Variants in CPAMD8 observed in about 807,000 individuals in gnomAD.
CPAMD8 encodes the protein C3 and PZP like alpha-2-macroglobulin domain containing 8.
Under a neutral mutation model 224.7 loss-of-function variants are expected in CPAMD8, and 146 were observed. The observed-to-expected ratio is 0.65, with a 90% CI of 0.57 to 0.75. The LOEUF (loss-of-function observed/expected upper bound fraction) is 0.75. CPAMD8 is among the 30% of genes least tolerant of loss of function. The probability of loss-of-function intolerance (pLI) is 0.00; values close to 1 mark genes in which losing one functional copy is unlikely to be tolerated. For synonymous variants in CPAMD8, 966 were observed against 1,044.6 expected (o/e 0.92, Z 1.45); for missense variants, 2,301 against 2,537.5 (o/e 0.91, Z 2.00).
At chr19:16,953,652 CAAAAA>C (rs60937762) in intron 19 of CPAMD8, among the ~76,000 whole-genome samples, 11 of 94,378 alleles carry the variant, frequency 1.2e-4, no homozygotes, top group African/African-American at 3.3e-4. Context: ...GACCTTGTCT[CAAAAA>C]AAAAAAAAAA....
intron 2 of CPAMD8, among the ~76,000 whole-genome samples, chr19:17,021,687 C>A (rs1018263130): frequency 6.6e-6 from 1 of 152,210 alleles, no homozygotes; most frequent in Admixed American, 6.5e-5. Context: ...GGAAACCCAA[C>A]AAAAGGTCAG....
Position 16,914,715 on chromosome 19 carries a change from T to C in CPAMD8, c.3728A>G (p.Gln1243Arg). 6.2e-7 allele frequency: 1 copy of C among 1,614,132 alleles called. No homozygotes were observed. The highest frequency in any genetic ancestry group is 1.3e-5 in the African/African-American group (1 of 75,064). The change falls in exon 28 of 42, where the codon CAG becomes CGG. Residue 1243 changes from glutamine to arginine, a missense_variant. This residue lies in a region of CPAMD8 where 1,709 missense variants were observed against 1,753.2 expected (regional missense o/e 0.97). Coordinates refer to ENST00000443236, the MANE Select transcript of CPAMD8 (RefSeq NM_015692.5). ...LAAAKSWIIQ[Q>R]QQADGSFLAV... ...CAGGAAGGAGCCATCGGCCTGCTGC[T>C]GCTGGATGATCCAGCTCTTGGCGGC...
At chr19:16,974,401 T>G (rs1230329597) in intron 17 of CPAMD8, among the ~76,000 whole-genome samples, 1 of 151,782 alleles carries the variant, frequency 6.6e-6, no homozygotes, top group Non-Finnish European at 1.5e-5. Context: ...CCCTGCCACC[T>G]GGGATCACAG....
chr19:16,908,042 C>T (rs773857), intron 29 of CPAMD8, among the ~76,000 whole-genome samples: 85,704 of 152,022 alleles, frequency 0.56, 24,577 homozygotes, highest in South Asian at 0.62. Flanking sequence ...CCCACCCAGC[C>T]CCATGGCCAG....
chr19:16,912,472 G>A (rs986434656), intron 29 of CPAMD8, among the ~76,000 whole-genome samples: 2 of 152,240 alleles, frequency 1.3e-5, no homozygotes, highest in Admixed American at 6.5e-5. Context: ...GGGAGGGCCA[G>A]GCATGGTGGC....
chr19:17,015,720 G>A (rs1265751219), intron 3 of CPAMD8, among the ~76,000 whole-genome samples: 3 of 152,226 alleles, frequency 2.0e-5, no homozygotes, highest in African/African-American at 7.2e-5. Flanking sequence ...AGAGGCTGAA[G>A]AGGGAGGAAA....
At chr19:17,024,915 GCTATTC>G (rs2123290492) in intron 1 of CPAMD8, among the ~76,000 whole-genome samples, 1 of 152,348 alleles carries the variant, frequency 6.6e-6, no homozygotes, top group South Asian at 2.1e-4. Flanking sequence ...GGCATCCAGA[GCTATTC>G]CTAAGACGAG....
intron 30 of CPAMD8, among the ~76,000 whole-genome samples, chr19:16,906,591 AC>A (rs1315715051): frequency 6.6e-6 from 1 of 151,080 alleles, no homozygotes; most frequent in Non-Finnish European, 1.5e-5. Flanking sequence ...TTTAGGAGAG[AC>A]GGGGTTTCAC....
At chr19:16,944,190 C>T (rs187961475) in intron 22 of CPAMD8, among the ~76,000 whole-genome samples, 20 of 152,346 alleles carry the variant, frequency 1.3e-4, no homozygotes, top group Admixed American at 3.9e-4. Context: ...CACAGTCCTC[C>T]GGTGGGAAGA....
chr19:16,992,003 A>T (rs896326528), intron 12 of CPAMD8, among the ~76,000 whole-genome samples: 12 of 152,300 alleles, frequency 7.9e-5, no homozygotes, highest in Admixed American at 6.5e-4. Flanking sequence ...AACCTTTAGG[A>T]CATGGTGCCC....
At position 17,011,338 on chromosome 19, in the gene CPAMD8, A is replaced by C. The variant is rs912021664; in HGVS notation, c.486+126T>G. 10 of 1,135,742 alleles carry C rather than the reference A, an allele frequency of 8.8e-6. No homozygotes were observed. The African/African-American group carries it at 1.6e-4, about 18-fold the overall frequency. 70.4% of individuals were successfully genotyped at this position (1,135,742 alleles called of 1,614,324 possible). A position where few individuals can be genotyped will look rare whatever the true frequency, so the allele number is the denominator to read the frequency against. ...TCCCTGGGGTTCTCCGGGGGACATG[A>C]AACAACCATGAAAGAAAATAGAAAA... On this transcript the variant is annotated intron_variant, in intron 5 of 41. Coordinates refer to ENST00000443236, the MANE Select transcript of CPAMD8 (RefSeq NM_015692.5).
At chr19:16,980,051 G>A (rs1358554865) in intron 14 of CPAMD8, among the ~76,000 whole-genome samples, 1 of 152,106 alleles carries the variant, frequency 6.6e-6, no homozygotes, top group African/African-American at 2.4e-5. Context: ...CCTTATATAT[G>A]TCTATAGTGC....
chr19:16,978,642 A>G (rs1476366208), intron 14 of CPAMD8, among the ~76,000 whole-genome samples: 2 of 152,132 alleles, frequency 1.3e-5, no homozygotes, highest in African/African-American at 4.8e-5. Flanking sequence ...GAAGCCAGAG[A>G]TGCTATTCAG....
chr19:17,012,648 T>C (rs549534917), intron 3 of CPAMD8, among the ~76,000 whole-genome samples: 1 of 152,300 alleles, frequency 6.6e-6, no homozygotes, highest in South Asian at 2.1e-4. Flanking sequence ...TGCCCCAGCT[T>C]TCAGCCATGC....
chr19:17,008,406 T>C, intron 7 of CPAMD8, 99 bp downstream of exon 7: 1 of 1,408,140 alleles, frequency 7.1e-7, no homozygotes, highest in South Asian at 1.2e-5. Flanking sequence ...GGAGCAGCAG[T>C]GGGGGTACAT....
chr19:17,014,875 C>G (rs141257612), intron 3 of CPAMD8, among the ~76,000 whole-genome samples: 2,086 of 152,314 alleles, frequency 0.014, 43 homozygotes, highest in African/African-American at 0.048. Context: ...TCAGCCATCC[C>G]TGGGCACCCA....
At chr19:17,010,182 A>T (rs1197752414) in intron 5 of CPAMD8, among the ~76,000 whole-genome samples, 3 of 152,070 alleles carry the variant, frequency 2.0e-5, no homozygotes, top group Non-Finnish European at 4.4e-5. Flanking sequence ...ATTTTATATT[A>T]GATATTATTA....
intron 12 of CPAMD8, 145 bp downstream of exon 12, chr19:16,993,271 C>G (rs1020058577): frequency 1.9e-5 from 12 of 638,436 alleles, no homozygotes; most frequent in South Asian, 4.1e-5. Context: ...GCTGTGTTGT[C>G]CATCCCACTG....
chr19:17,014,720 C>G (rs1417529775), intron 3 of CPAMD8, among the ~76,000 whole-genome samples: 4 of 152,146 alleles, frequency 2.6e-5, no homozygotes, highest in African/African-American at 9.7e-5. Flanking sequence ...GGAAACCACC[C>G]CATGATTCAA....
Sources: gnomAD v4.1 joint callset for allele counts (sites outside exome capture counted in the v4.1 genomes callset) on GRCh38, gnomAD v4.1.1 for gene constraint, gnomAD v4.1.1 regional missense constraint, MANE v1.5 for transcripts, NCBI Gene and HGNC (gene_info 2026-07-23, HGNC 2026-07-21) for gene names.